The following DOCK5 variants were observed in gnomAD, a reference collection of about 807,000 sequenced individuals.
DOCK5 encodes the protein dedicator of cytokinesis protein 5.
DOCK5 carries 142 observed loss-of-function variants against 251.8 expected under a neutral mutation model. The ratio of observed to expected loss-of-function variants is 0.56; its 90% CI spans 0.49 to 0.65. DOCK5 has a LOEUF of 0.65. DOCK5 is among the 30% of genes least tolerant of loss of function. The probability of loss-of-function intolerance (pLI) is 0.00; values close to 1 mark genes in which losing one functional copy is unlikely to be tolerated. For missense variants in DOCK5, 2,111 were observed against 2,312.3 expected (o/e 0.91, Z 1.79); for synonymous variants, 842 against 835.5 (o/e 1.01, Z -0.13).
At chr8:25,303,192 G>A (rs992087456) in intron 10 of DOCK5, among the ~76,000 whole-genome samples, 10 of 152,272 alleles carry the variant, frequency 6.6e-5, no homozygotes, top group Admixed American at 2.6e-4. Flanking sequence ...TATCAGACAC[G>A]CAGCATTTAC....
chr8:25,213,668 C>A (rs774917806), intron 1 of DOCK5, among the ~76,000 whole-genome samples: 7 of 152,202 alleles, frequency 4.6e-5, no homozygotes, highest in Non-Finnish European at 8.8e-5. Context: ...CTCCTCACCC[C>A]CCAAAGAAAA....
chr8:25,352,387 G>GA (rs1333039749), intron 27 of DOCK5, among the ~76,000 whole-genome samples: 1 of 152,056 alleles, frequency 6.6e-6, no homozygotes, highest in African/African-American at 2.4e-5. Flanking sequence ...ACATTTTAAA[G>GA]AACCTGTGGT....
chr8:25,378,174 A>C (rs1563222258), intron 38 of DOCK5, among the ~76,000 whole-genome samples: 1 of 152,140 alleles, frequency 6.6e-6, no homozygotes, highest in Non-Finnish European at 1.5e-5. Flanking sequence ...TAGTCACATG[A>C]TTAGTATTTC....
At chr8:25,337,798 G>T (rs548022891) in intron 22 of DOCK5, among the ~76,000 whole-genome samples, 17 of 151,778 alleles carry the variant, frequency 1.1e-4, no homozygotes, top group Non-Finnish European at 1.9e-4. Context: ...TGTTAGCCAG[G>T]ATGGTCTCGA....
At chr8:25,234,712 G>C (rs1245717617) in intron 1 of DOCK5, among the ~76,000 whole-genome samples, 1 of 152,172 alleles carries the variant, frequency 6.6e-6, no homozygotes, top group Non-Finnish European at 1.5e-5. Context: ...AGAAATGCTT[G>C]GAAGGGGCAG....
intron 9 of DOCK5, 130 bp from the exon 10 acceptor site, chr8:25,302,195 T>G: frequency 7.9e-7 from 1 of 1,267,556 alleles, no homozygotes; most frequent in Non-Finnish European, 1.0e-6. Context: ...GAGAAGAGAG[T>G]CGTTCTAATA....
At chr8:25,356,053 A>G (rs978235591) in intron 27 of DOCK5, among the ~76,000 whole-genome samples, 4 of 134,882 alleles carry the variant, frequency 3.0e-5, no homozygotes, top group African/African-American at 5.3e-5. Context: ...AAAAAAAAAT[A>G]GCCAGTTGTG....
intron 51 of DOCK5, among the ~76,000 whole-genome samples, chr8:25,410,991 G>A (rs1227349301): frequency 1.7e-5 from 1 of 58,610 alleles, no homozygotes; most frequent in African/African-American, 6.1e-5. Flanking sequence ...GCGCACGCAC[G>A]CACGCACGCA....
chr8:25,400,990 C>T lies in DOCK5; in HGVS notation c.4850C>T (p.Pro1617Leu), dbSNP rs139076084. 1.6e-5 allele frequency: 26 copies of T among 1,613,858 alleles called. No individual in the cohort carries two copies. The African/African-American group carries it at 2.5e-4, about 16-fold the overall frequency. The change falls in exon 47 of 52, where the codon CCG becomes CTG. Residue 1617 changes from proline to leucine, a missense_variant. Transcript: ENST00000276440. ...GAGAAACTCACAGAGCAGCTGAAGC[C>T]GCTGCATGAGCGGTTGTCTTCTTGC... ...HGEKLTEQLK[P>L]LHERLSSCFR...
chr8:25,235,607 A>G (rs1802776072), intron 1 of DOCK5, among the ~76,000 whole-genome samples: 2 of 152,074 alleles, frequency 1.3e-5, no homozygotes, highest in Non-Finnish European at 2.9e-5. Flanking sequence ...TGCTGTAAGC[A>G]TTTCATATAA....
At chr8:25,323,027 G>C (rs1202841523) in intron 16 of DOCK5, among the ~76,000 whole-genome samples, 1 of 152,150 alleles carries the variant, frequency 6.6e-6, no homozygotes, top group African/African-American at 2.4e-5. Flanking sequence ...ACCACTGTGG[G>C]GACCCAAGGG....
intron 5 of DOCK5, among the ~76,000 whole-genome samples, chr8:25,282,849 C>CAAAAAAAAAAAAA (rs56687628): frequency 1.0e-4 from 4 of 39,612 alleles, no homozygotes; most frequent in African/African-American, 8.7e-5. Context: ...GACCCTTTCT[C>CAAAAAAAAAAAAA]AAAAAAAAAA....
Position 25,342,909 on chromosome 8 carries a change from G to A in DOCK5, c.2617+402G>A, listed in dbSNP as rs186311133. On this transcript the variant is annotated intron_variant, in intron 25 of 51. Transcript: ENST00000276440. ...TTTAGTAAAGACGGGGTTTCACCAC[G>A]TTAGCCAGGATGGTCTTGATCTCCT... 1.9e-4 allele frequency among the ~76,000 whole-genome samples: 29 copies of A among 151,394 alleles called. No homozygotes were observed. In the East Asian group the frequency reaches 3.8e-3, roughly 20 times the overall value.
Position 25,372,720 on chromosome 8 carries a change from T to C in DOCK5, c.3684+2T>C. 1 of 1,609,396 alleles carries C rather than the reference T, an allele frequency of 6.2e-7. No homozygotes were observed. The highest frequency in any genetic ancestry group is 8.5e-7 in the Non-Finnish European group (1 of 1,177,896). On this transcript the variant is annotated splice_donor_variant, in intron 35 of 51. Coordinates refer to ENST00000276440, the MANE Select transcript of DOCK5 (RefSeq NM_024940.8). LOFTEE classifies it high-confidence loss of function. The stretch of plus-strand genomic sequence containing the variant: ...ATGAGCTGCACTGTGAACGTGCTGG[T>C]ATGTGACATGCCTCCGGTGTGATGG...
intron 2 of DOCK5, among the ~76,000 whole-genome samples, chr8:25,258,681 C>T (rs1416961145): frequency 6.6e-6 from 1 of 152,200 alleles, no homozygotes. Context: ...GGTTTCATTG[C>T]ATATTCCTTA....
intron 11 of DOCK5, among the ~76,000 whole-genome samples, chr8:25,305,472 G>A (rs1804893431): frequency 6.6e-6 from 1 of 152,034 alleles, no homozygotes; most frequent in Non-Finnish European, 1.5e-5. Context: ...TCATGGGAGG[G>A]AGGCCGTTTT....
chr8:25,327,003 T>C (rs1307307613), intron 18 of DOCK5, among the ~76,000 whole-genome samples: 1 of 152,218 alleles, frequency 6.6e-6, no homozygotes, highest in African/African-American at 2.4e-5. Context: ...TGCAGGCAGA[T>C]TGCCTGGCTT....
chr8:25,404,620 T>G (rs1178360971), intron 48 of DOCK5, among the ~76,000 whole-genome samples: 1 of 152,188 alleles, frequency 6.6e-6, no homozygotes, highest in Non-Finnish European at 1.5e-5. Context: ...ATTCTACCAG[T>G]GCTTACTGGT....
chr8:25,387,118 A>G (rs535245425), intron 40 of DOCK5, among the ~76,000 whole-genome samples: 4 of 151,852 alleles, frequency 2.6e-5, no homozygotes, highest in African/African-American at 9.7e-5. Flanking sequence ...TTCCAACCCA[A>G]TGAGATCTCA....
Sources: allele counts gnomAD v4.1 joint callset (sites outside exome capture counted in the v4.1 genomes callset), GRCh38; gene constraint gnomAD v4.1.1; transcripts MANE v1.5; gene names NCBI Gene and HGNC (gene_info 2026-07-23, HGNC 2026-07-21).